Variants in SNORC observed in about 807,000 individuals in gnomAD.
SNORC encodes secondary ossification center associated regulator of chondrocyte maturation, also known as protein SNORC.
In SNORC, 11 loss-of-function variants were observed where a neutral mutation model predicts 9.7. That is an observed-to-expected ratio of 1.14 (90% CI 0.72 to 1.88). The LOEUF is 1.88. Among genes scored for constraint, SNORC ranks in the 40% most tolerant of loss-of-function variants. The pLI is 0.00. For missense variants in SNORC, 197 were observed against 173.1 expected (o/e 1.14, Z -0.77); for synonymous variants, 108 against 88.7 (o/e 1.22, Z -1.22).
chr2:232,873,927 G>A (rs1442661524), intron 1 of SNORC, among the ~76,000 whole-genome samples: 4 of 152,206 alleles, frequency 2.6e-5, no homozygotes, highest in South Asian at 2.1e-4. Flanking sequence ...TCCCCCAGTT[G>A]GGGGCCAATG....
intron 1 of SNORC, 121 bp from the exon 2 acceptor site, chr2:232,875,819 C>T: frequency 9.7e-7 from 1 of 1,033,946 alleles, no homozygotes; most frequent in Non-Finnish European, 1.4e-6. Context: ...AGGGCTAGTG[C>T]AGCGCTGAGC....
chr2:232,873,301 C>T (rs1259526099), intron 1 of SNORC, among the ~76,000 whole-genome samples: 1 of 151,494 alleles, frequency 6.6e-6, no homozygotes, highest in African/African-American at 2.4e-5. Flanking sequence ...GGGCTGTGTA[C>T]AGTGGGAGGA....
chr2:232,875,700 G>C (rs1574974257), intron 1 of SNORC: 1 of 560,318 alleles, frequency 1.8e-6, no homozygotes, highest in Non-Finnish European at 3.2e-6. Context: ...AGGGCTTTGT[G>C]GGGGGCACCT....
intron 1 of SNORC, 94 bp downstream of exon 1, chr2:232,870,508 AGCCCT>A (rs1268557175): frequency 1.9e-5 from 24 of 1,241,592 alleles, no homozygotes; most frequent in Non-Finnish European, 2.7e-5. Flanking sequence ...CTGGGGAGGA[AGCCCT>A]CTCACAGGAG....
intron 1 of SNORC, among the ~76,000 whole-genome samples, chr2:232,870,898 G>A (rs1691002856): frequency 6.6e-6 from 1 of 152,178 alleles, no homozygotes; most frequent in Non-Finnish European, 1.5e-5. Context: ...GCTCCAGAGA[G>A]GGAGAGAATA....
intron 1 of SNORC, chr2:232,875,403 G>C (rs1199976472): frequency 9.8e-6 from 3 of 306,428 alleles, no homozygotes; most frequent in Non-Finnish European, 2.1e-5. Flanking sequence ...TGTGATGTCA[G>C]ATGGTCTGGC....
chr2:232,869,371 G>T (rs1305368237), upstream of SNORC, among the ~76,000 whole-genome samples: 1 of 152,156 alleles, frequency 6.6e-6, no homozygotes, highest in African/African-American at 2.4e-5. Flanking sequence ...AGCCCTTAGC[G>T]CGGTGGGAAA....
chr2:232,872,742 G>A (rs1358112034), intron 1 of SNORC, among the ~76,000 whole-genome samples: 2 of 152,212 alleles, frequency 1.3e-5, no homozygotes, highest in African/African-American at 2.4e-5. Flanking sequence ...CAGGACTCCT[G>A]CTGGGAAACT....
intron 1 of SNORC, among the ~76,000 whole-genome samples, chr2:232,871,032 G>A (rs934942528): frequency 2.6e-5 from 4 of 152,228 alleles, no homozygotes; most frequent in African/African-American, 9.6e-5. Context: ...GAGAGGGGAA[G>A]ACTGGCCCAG....
At chr2:232,874,506 C>T (rs565855920) in intron 1 of SNORC, among the ~76,000 whole-genome samples, 1 of 152,332 alleles carries the variant, frequency 6.6e-6, no homozygotes, top group East Asian at 1.9e-4. Context: ...CTTTGTTTTT[C>T]CTAACTTTGA....
At chr2:232,874,832 A>G (rs1196424085) in intron 1 of SNORC, among the ~76,000 whole-genome samples, 2 of 152,256 alleles carry the variant, frequency 1.3e-5, no homozygotes, top group African/African-American at 4.8e-5. Context: ...CGCTCCTGCA[A>G]CTGTCCAAGG....
At chr2:232,867,630 G>A (rs1393346660), upstream of SNORC, among the ~76,000 whole-genome samples, 1 of 152,212 alleles carries the variant, frequency 6.6e-6, no homozygotes, top group Admixed American at 6.5e-5. Context: ...GCACGCAGCA[G>A]CAGCTTGCAG....
chr2:232,875,944 T>C, exon 2 of SNORC: 2 of 1,551,826 alleles, frequency 1.3e-6, no homozygotes, highest in South Asian at 1.2e-5. Context: ...TTGCAGACGA[T>C]GTTCCACAGG....
chr2:232,870,399 C>G lies in SNORC; in HGVS notation c.58C>G (p.Pro20Ala), dbSNP rs916128438. The change falls in exon 1 of 3, where the codon CCT becomes GCT. Residue 20 changes from proline (P) to alanine (A), a missense_variant. By Grantham distance (27) the Pro-to-Ala change is conservative. Coordinates refer to ENST00000331342, the Ensembl canonical transcript of SNORC. ...GCTGCTGGTCTCCGGGGTTCTGGCCCCTGCGGTGCTCACAGGTAAGAGGTG... is the reference window on the plus strand; with the variant it reads ...GCTGCTGGTCTCCGGGGTTCTGGCCGCTGCGGTGCTCACAGGTAAGAGGTG... 3 of 1,571,094 alleles carry G rather than the reference C, an allele frequency of 1.9e-6. No individual in the cohort carries two copies. The African/African-American group carries it at 4.0e-5, about 21-fold the overall frequency.
chr2:232,868,406 C>A (rs994370152), upstream of SNORC, among the ~76,000 whole-genome samples: 1 of 152,186 alleles, frequency 6.6e-6, no homozygotes, highest in Admixed American at 6.5e-5. Flanking sequence ...CAGGTCATTT[C>A]ATCTTCACCA....
At chr2:232,870,332 C>A in exon 1 of SNORC, 1 of 1,555,370 alleles carries the variant, frequency 6.4e-7, no homozygotes, top group East Asian at 2.4e-5. Flanking sequence ...TGCCCTCACT[C>A]CCGGCCAGGA....
downstream of SNORC, chr2:232,877,156 C>T (rs1252660788): frequency 7.9e-5 from 78 of 985,486 alleles, no homozygotes; most frequent in Non-Finnish European, 9.4e-5. Flanking sequence ...AGAGTCGACG[C>T]CGGACACGGC....
At chr2:232,871,723 G>C (rs1691032611) in intron 1 of SNORC, among the ~76,000 whole-genome samples, 7 of 152,228 alleles carry the variant, frequency 4.6e-5, no homozygotes, top group Admixed American at 4.6e-4. Context: ...ATCTTCCATG[G>C]CTTGGATCCT....
At chr2:232,871,447 C>T (rs1691021210) in intron 1 of SNORC, among the ~76,000 whole-genome samples, 1 of 152,206 alleles carries the variant, frequency 6.6e-6, no homozygotes, top group African/African-American at 2.4e-5. Flanking sequence ...GGTGACACAG[C>T]CACGCTCTGC....
Sources: allele counts gnomAD v4.1 joint callset (sites outside exome capture counted in the v4.1 genomes callset), GRCh38; gene constraint gnomAD v4.1.1; transcripts MANE v1.5; gene names NCBI Gene and HGNC (gene_info 2026-07-23, HGNC 2026-07-21).